Variants in TLL1 observed in about 807,000 individuals in gnomAD.
The protein encoded by TLL1 is tolloid like 1.
In TLL1, 49 loss-of-function variants were observed where a neutral mutation model predicts 128.2. The observed-to-expected ratio is 0.38, with a 90% confidence interval of 0.30 to 0.48. TLL1 has a LOEUF of 0.48. Ranked by LOEUF, TLL1 falls within the 20% of genes least tolerant of loss-of-function variation. TLL1 has a pLI of 0.96. For missense variants in TLL1, 1,123 were observed against 1,242.0 expected, an observed-to-expected ratio of 0.90 and a Z score of 1.44; for synonymous variants, 454 against 418.8, an observed-to-expected ratio of 1.08 and a Z score of -1.03.
chr4:166,043,011 A>C (rs964289557), intron 11 of TLL1, among the ~76,000 whole-genome samples: 4 of 152,230 alleles, frequency 2.6e-5, no homozygotes, highest in Non-Finnish European at 4.4e-5. Context: ...AAAGGTTTTT[A>C]AAGGTTAAAA....
intron 1 of TLL1, among the ~76,000 whole-genome samples, chr4:165,977,586 A>G (rs1735949472): frequency 6.6e-6 from 1 of 152,200 alleles, no homozygotes; most frequent in African/African-American, 2.4e-5. Context: ...TCAGAAGCCC[A>G]AAATCTAAAG....
chr4:165,899,039 A>G (rs1375269910), intron 1 of TLL1, among the ~76,000 whole-genome samples: 1 of 152,136 alleles, frequency 6.6e-6, no homozygotes, highest in Non-Finnish European at 1.5e-5. Context: ...GTATTCTCTG[A>G]TGGTAGTTTG....
Position 165,960,972 on chromosome 4 carries a change from G to A in TLL1, c.170-28409G>A, listed in dbSNP as rs574797466. Among the ~76,000 whole-genome samples the A allele has an allele frequency of 9.9e-4, 150 of 152,120 alleles. 2 individuals carry two copies. The highest frequency in any genetic ancestry group is 3.4e-3 in the Middle Eastern group (1 of 294). ...AACATGGTACTGGAGGTTCTACCCGGAATAATCAGGCAAGAGAAAGAAATA... is the reference window on the plus strand; with the variant it reads ...AACATGGTACTGGAGGTTCTACCCGAAATAATCAGGCAAGAGAAAGAAATA... On this transcript the variant is annotated intron_variant, in intron 1 of 20. Transcript: ENST00000061240.
chr4:165,886,638 A>G (rs1229195430), intron 1 of TLL1, among the ~76,000 whole-genome samples: 6 of 152,220 alleles, frequency 3.9e-5, no homozygotes, highest in Non-Finnish European at 8.8e-5. Context: ...GTATTTGAAT[A>G]TAAACCATTC....
intron 1 of TLL1, among the ~76,000 whole-genome samples, chr4:165,978,619 G>T (rs182670372): frequency 2.6e-5 from 4 of 152,236 alleles, no homozygotes; most frequent in South Asian, 2.1e-4. Context: ...TTAAGTTGCT[G>T]TTTTTTGTTT....
chr4:166,010,833 A>T lies in TLL1; in HGVS notation c.917+2785A>T, dbSNP rs577465139. Among the ~76,000 whole-genome samples, 1,359 of 150,188 alleles carry T rather than the reference A, an allele frequency of 9.0e-3. 22 individuals carry two copies. Among genetic ancestry groups the T allele is most frequent in the African/African-American group, 0.031 (1,267 of 41,314 alleles). On this transcript the variant is annotated intron_variant, in intron 7 of 20. Coordinates refer to ENST00000061240, the MANE Select transcript of TLL1 (RefSeq NM_012464.5). The stretch of plus-strand genomic sequence containing the variant: ...GTTAATTTTTTAAAGTGTTTTTTTT[A>T]AAAAAGAGACCAATTTTATTATTCT...
intron 1 of TLL1, among the ~76,000 whole-genome samples, chr4:165,982,002 G>A (rs567904867): frequency 6.6e-6 from 1 of 152,090 alleles, no homozygotes; most frequent in Non-Finnish European, 1.5e-5. Context: ...TGTTTCTGAC[G>A]CGGAATAATT....
At chr4:166,076,825 T>C (rs1047697490) in intron 17 of TLL1, among the ~76,000 whole-genome samples, 4 of 152,190 alleles carry the variant, frequency 2.6e-5, no homozygotes, top group Non-Finnish European at 5.9e-5. Flanking sequence ...TTTATTGTAA[T>C]CTTCTGTTGC....
chr4:165,998,180 GATT>G (rs1218918045), intron 5 of TLL1, among the ~76,000 whole-genome samples: 2 of 152,032 alleles, frequency 1.3e-5, no homozygotes, highest in African/African-American at 2.4e-5. Flanking sequence ...CAAGATGATT[GATT>G]ATTATTAGCA....
At chr4:165,925,380 G>A (rs1733224576) in intron 1 of TLL1, among the ~76,000 whole-genome samples, 1 of 152,188 alleles carries the variant, frequency 6.6e-6, no homozygotes, top group South Asian at 2.1e-4. Context: ...GAATTACTGT[G>A]AGGGGTTCAG....
At chr4:166,010,859 A>G (rs756078159) in intron 7 of TLL1, among the ~76,000 whole-genome samples, 56 of 151,142 alleles carry the variant, frequency 3.7e-4, no homozygotes, top group Non-Finnish European at 6.7e-4. Flanking sequence ...TTATTATTCT[A>G]TATGTAGATA....
chr4:165,918,284 C>T (rs1341410840), intron 1 of TLL1, among the ~76,000 whole-genome samples: 1 of 152,066 alleles, frequency 6.6e-6, no homozygotes, highest in Non-Finnish European at 1.5e-5. Flanking sequence ...TAAGGTACAG[C>T]ATCATAGAAT....
At chr4:165,891,349 T>C (rs921270438) in intron 1 of TLL1, among the ~76,000 whole-genome samples, 1 of 152,198 alleles carries the variant, frequency 6.6e-6, no homozygotes, top group Non-Finnish European at 1.5e-5. Flanking sequence ...TTTCTTTTTC[T>C]ATATCATCAT....
chr4:166,049,064 G>C (rs1739592833), intron 12 of TLL1, among the ~76,000 whole-genome samples: 1 of 152,166 alleles, frequency 6.6e-6, no homozygotes, highest in Non-Finnish European at 1.5e-5. Flanking sequence ...AATTAGTTAA[G>C]GATTTTCTGC....
At chr4:165,978,763 G>A (rs1304613742) in intron 1 of TLL1, among the ~76,000 whole-genome samples, 3 of 152,102 alleles carry the variant, frequency 2.0e-5, no homozygotes, top group Non-Finnish European at 4.4e-5. Context: ...CCCAATTTTA[G>A]CTGTTCTCAG....
At chr4:165,999,519 CT>C (rs1452915971) in intron 5 of TLL1, among the ~76,000 whole-genome samples, 6 of 152,262 alleles carry the variant, frequency 3.9e-5, no homozygotes, top group East Asian at 1.9e-4. Context: ...GACCACCCCC[CT>C]GATCCAATCA....
chr4:166,002,225 G>C (rs1235569650), intron 5 of TLL1, among the ~76,000 whole-genome samples: 1 of 151,902 alleles, frequency 6.6e-6, no homozygotes, highest in East Asian at 1.9e-4. Flanking sequence ...AGCTCTCTGG[G>C]GCCTTTTTAT....
intron 15 of TLL1, among the ~76,000 whole-genome samples, chr4:166,061,613 A>G (rs932512121): frequency 6.6e-6 from 1 of 151,898 alleles, no homozygotes; most frequent in Admixed American, 6.6e-5. Flanking sequence ...TTAGCTTTTT[A>G]CTAGTGGCTT....
At chr4:165,926,444 T>C (rs1411067860) in intron 1 of TLL1, among the ~76,000 whole-genome samples, 5 of 152,208 alleles carry the variant, frequency 3.3e-5, no homozygotes, top group Admixed American at 3.3e-4. Flanking sequence ...CAGTTTGTTC[T>C]TATCTCTGGT....
Sources: allele counts gnomAD v4.1 joint callset (sites outside exome capture counted in the v4.1 genomes callset), GRCh38; gene constraint gnomAD v4.1.1; transcripts MANE v1.5; gene names NCBI Gene and HGNC (gene_info 2026-07-23, HGNC 2026-07-21).